The following HRH2 variants were observed in gnomAD, a reference collection of about 807,000 sequenced individuals.
HRH2 encodes histamine H2 receptor.
In HRH2, 4 loss-of-function variants were observed where a neutral mutation model predicts 20.1. That is an observed-to-expected ratio of 0.20 (90% confidence interval 0.10 to 0.45). The LOEUF (loss-of-function observed/expected upper bound fraction) is 0.45. Among genes scored for constraint, HRH2 ranks in the 20% least tolerant of loss-of-function variants. HRH2 has a pLI of 0.99. For missense variants in HRH2, 250 were observed against 461.6 expected, an observed-to-expected ratio of 0.54 and a Z score of 4.20; for synonymous variants, 197 against 200.7, an observed-to-expected ratio of 0.98 and a Z score of 0.16.
At chr5:175,696,516 G>T (rs1756583696) in intron 2 of HRH2, among the ~76,000 whole-genome samples, 1 of 152,148 alleles carries the variant, frequency 6.6e-6, no homozygotes, top group African/African-American at 2.4e-5. Flanking sequence ...GAGAAGAACA[G>T]GATAAATATC....
rs561682448 is a variant in HRH2, at chr5:175,686,177, G to A, written c.1076+1868G>A. On this transcript the variant is annotated intron_variant, in intron 2 of 2. Coordinates refer to ENST00000636584, the MANE Select transcript of HRH2 (RefSeq NM_001367711.1). This position sits in a 1 kb window ranked among gnomAD's most constrained non-coding sequence, Gnocchi z 4.7. ...TGCGCAATCTCTTATTCAGGAGGCAGCTGGAGTGCAAAGCTGACTTAGTTC... is the reference window on the plus strand; with the variant it reads ...TGCGCAATCTCTTATTCAGGAGGCAACTGGAGTGCAAAGCTGACTTAGTTC... The A allele has an allele frequency of 6.6e-6, 1 of 152,398 alleles. No homozygotes were observed. The highest frequency in any genetic ancestry group is 2.1e-4 in the South Asian group (1 of 4,830). 9.4% of individuals were successfully genotyped at this position (152,398 alleles called of 1,614,324 possible). A position where few individuals can be genotyped will look rare whatever the true frequency, so the allele number is the denominator to read the frequency against.
At chr5:175,671,892 T>C (rs1184453729) in intron 1 of HRH2, among the ~76,000 whole-genome samples, 1 of 152,028 alleles carries the variant, frequency 6.6e-6, no homozygotes, top group African/African-American at 2.4e-5. Flanking sequence ...TGGCAAACAC[T>C]TTGTAAGATA....
intron 1 of HRH2, among the ~76,000 whole-genome samples, chr5:175,672,812 G>A (rs1245601937): frequency 2.0e-5 from 3 of 152,202 alleles, no homozygotes; most frequent in African/African-American, 7.2e-5. Context: ...GGATGTTAAA[G>A]AGGGTGAATT....
In HRH2 at chr5:175,687,846, C is replaced by A. The variant is rs984920326; in HGVS notation, c.1076+3537C>A. Among the ~76,000 whole-genome samples the A allele has an allele frequency of 3.3e-5, 5 of 152,210 alleles. No homozygotes were observed. The highest frequency in any genetic ancestry group is 6.3e-3 in the Middle Eastern group (2 of 316). On this transcript the variant is annotated intron_variant, in intron 2 of 2. Transcript: ENST00000636584. This position sits in a 1 kb window ranked among gnomAD's most constrained non-coding sequence, Gnocchi z 5.2. ...CCCACGGCCGCCTGCACATAGGTAG[C>A]CCTGTGTCCATTTCCTGTGGCTGCC...
At position 175,683,861 on chromosome 5, in the gene HRH2, C is replaced by T; in HGVS notation, c.628C>T (p.Arg210Trp). Residue 210 changes from arginine (R) to tryptophan (W), a missense_variant, in exon 2 of 3, where the codon CGG becomes TGG. By Grantham distance (101) the Arg-to-Trp change is moderately radical (BLOSUM62 -3). Transcript: ENST00000636584. ...ITYYRIFKVA[R>W]DQAKRINHIS... ...CTACTACCGCATCTTCAAGGTCGCC[C>T]GGGATCAGGCCAAGAGGATCAATCA... The T allele has an allele frequency of 1.2e-6, 2 of 1,614,136 alleles. No homozygotes were observed. Among genetic ancestry groups the T allele is most frequent in the Non-Finnish European group, 1.7e-6 (2 of 1,180,034 alleles).
chr5:175,680,289 T>C (rs1229159381), intron 1 of HRH2, among the ~76,000 whole-genome samples: 2 of 152,230 alleles, frequency 1.3e-5, no homozygotes, highest in Non-Finnish European at 2.9e-5. Flanking sequence ...ATTGGGAATT[T>C]TACAAGAAGT....
At chr5:175,689,587 C>T (rs1437900389) in intron 2 of HRH2, among the ~76,000 whole-genome samples, 4 of 152,214 alleles carry the variant, frequency 2.6e-5, no homozygotes, top group Non-Finnish European at 5.9e-5. Context: ...AGGGAAGTTC[C>T]AGAAACCTCG....
chr5:175,700,096 G>C (rs1047907692), intron 2 of HRH2, among the ~76,000 whole-genome samples: 1 of 152,162 alleles, frequency 6.6e-6, no homozygotes, highest in Non-Finnish European at 1.5e-5. Flanking sequence ...ACAGAACGCG[G>C]AACTCCTGGT....
Position 175,708,382 on chromosome 5 carries a change from T to A in HRH2, c.*411T>A, listed in dbSNP as rs1470526565. On this transcript the variant is annotated 3_prime_UTR_variant, in exon 3 of 3. Transcript: ENST00000636584. ...ATTGGCCTCTCACTCCCTCATGGGTTCTGCAGGATGAAGGAAAGGAAAGGA... is the reference window on the plus strand; with the variant it reads ...ATTGGCCTCTCACTCCCTCATGGGTACTGCAGGATGAAGGAAAGGAAAGGA... The A allele has an allele frequency of 6.2e-6, 1 of 161,150 alleles. No individual in the cohort carries two copies. Among genetic ancestry groups the A allele is most frequent in the Non-Finnish European group, 1.3e-5 (1 of 74,452 alleles). 10.0% of individuals were successfully genotyped at this position (161,150 alleles called of 1,614,324 possible).
chr5:175,703,583 A>G (rs138813098), intron 2 of HRH2, among the ~76,000 whole-genome samples: 123 of 152,318 alleles, frequency 8.1e-4, no homozygotes, highest in African/African-American at 2.9e-3. Context: ...GAAGAAATTA[A>G]TGAAACAGAA....
chr5:175,700,211 C>T (rs1352128586), intron 2 of HRH2, among the ~76,000 whole-genome samples: 1 of 152,164 alleles, frequency 6.6e-6, no homozygotes, highest in Non-Finnish European at 1.5e-5. Flanking sequence ...GGGTTCCTGC[C>T]CACAAGGCTC....
chr5:175,683,939 C>T lies in HRH2; in HGVS notation c.706C>T (p.Leu236=), dbSNP rs1756077976. The T allele has an allele frequency of 6.2e-7, 1 of 1,614,104 alleles. No homozygotes were observed. Among genetic ancestry groups the T allele is most frequent in the African/African-American group, 1.3e-5 (1 of 74,926 alleles). Residue 236 remains leucine (L), a synonymous_variant, in exon 2 of 3, where the codon CTG becomes TTG. Coordinates refer to ENST00000636584, the MANE Select transcript of HRH2 (RefSeq NM_001367711.1). ...CAGGGAGCACAAAGCCACAGTGACACTGGCCGCCGTCATGGGGGCCTTCAT... is the reference window on the plus strand; with the variant it reads ...CAGGGAGCACAAAGCCACAGTGACATTGGCCGCCGTCATGGGGGCCTTCAT... ...TIREHKATVT[L]AAVMGAFIIC...
At chr5:175,701,624 A>G (rs1297906981) in intron 2 of HRH2, among the ~76,000 whole-genome samples, 2 of 152,142 alleles carry the variant, frequency 1.3e-5, no homozygotes, top group Non-Finnish European at 2.9e-5. Context: ...CTTTGGTTTC[A>G]TTGGATTGGG....
Position 175,693,910 on chromosome 5 carries a change from C to T in HRH2, c.1076+9601C>T, listed in dbSNP as rs1756468927. On this transcript the variant is annotated intron_variant, in intron 2 of 2. Coordinates refer to ENST00000636584, the MANE Select transcript of HRH2 (RefSeq NM_001367711.1). This position sits in a 1 kb window ranked among gnomAD's most constrained non-coding sequence, Gnocchi z 4.4. ...CCATTCACTCATCCCTTACCAGACACTCTCGCAAGCTGGGAAGCTATTTGT... is the reference window on the plus strand; with the variant it reads ...CCATTCACTCATCCCTTACCAGACATTCTCGCAAGCTGGGAAGCTATTTGT... Among the ~76,000 whole-genome samples, 1 of 152,208 alleles carries T rather than the reference C, an allele frequency of 6.6e-6. No homozygotes were observed. The highest frequency in any genetic ancestry group is 1.5e-5 in the Non-Finnish European group (1 of 68,032).
rs542382302 is a variant in HRH2 at position 175,693,252 on chromosome 5, G to T, written c.1076+8943G>T. Among the ~76,000 whole-genome samples, 1 of 152,306 alleles carries T rather than the reference G, an allele frequency of 6.6e-6. No individual in the cohort carries two copies. The highest frequency in any genetic ancestry group is 2.4e-5 in the African/African-American group (1 of 41,568). ...GTTTGTGGCAGAGCATTCAGAGGGT[G>T]GAAGGGGGTGTGCCTGCATTGCAGG... is the stretch of plus-strand genomic sequence containing the variant. On this transcript the variant is annotated intron_variant, in intron 2 of 2. Transcript: ENST00000636584. The surrounding 1 kb of genome is among the most constrained non-coding windows in gnomAD (Gnocchi z 4.4).
chr5:175,694,526 C>T (rs1756503123), intron 2 of HRH2, among the ~76,000 whole-genome samples: 1 of 152,184 alleles, frequency 6.6e-6, no homozygotes, highest in Non-Finnish European at 1.5e-5. Context: ...CTATGGGCCC[C>T]CACCCCTAGG....
intron 1 of HRH2, among the ~76,000 whole-genome samples, chr5:175,682,313 C>T (rs561702672): frequency 1.3e-5 from 2 of 152,170 alleles, no homozygotes; most frequent in Non-Finnish European, 2.9e-5. Flanking sequence ...TTTGTTTATT[C>T]GTTCATTCAT....
intron 1 of HRH2, among the ~76,000 whole-genome samples, chr5:175,679,929 C>A (rs73806112): frequency 0.054 from 8,209 of 152,282 alleles, 737 homozygotes; most frequent in African/African-American, 0.18. Flanking sequence ...GGTTCTGCCA[C>A]TTTCTAGGGG....
At chr5:175,706,378 T>A in intron 2 of HRH2, among the ~76,000 whole-genome samples, 1 of 152,390 alleles carries the variant, frequency 6.6e-6, no homozygotes, top group South Asian at 2.1e-4. Flanking sequence ...TATTTTCTTT[T>A]TAGTTAATCT....
Sources: allele counts gnomAD v4.1 joint callset (sites outside exome capture counted in the v4.1 genomes callset), GRCh38; gene constraint gnomAD v4.1.1; non-coding constraint Gnocchi (gnomAD v3.1); transcripts MANE v1.5; gene names NCBI Gene and HGNC (gene_info 2026-07-23, HGNC 2026-07-21).